QTMAN: variants seen among roughly 807,000 people sequenced by gnomAD.
The protein encoded by QTMAN is tRNA-queuosine alpha-mannosyltransferase.
the QTMAN span, chr2:143,957,375 A>G: frequency 7.2e-7 from 1 of 1,388,792 alleles, no homozygotes; most frequent in East Asian, 2.5e-5. Context: ...CATCTATTTA[A>G]TATAGTGTAA....
the QTMAN span, among the ~76,000 whole-genome samples, chr2:144,013,701 A>T: frequency 6.6e-6 from 1 of 152,176 alleles, no homozygotes; most frequent in Non-Finnish European, 1.5e-5. Context: ...GGAAAATAGA[A>T]ATTAAAATAA....
chr2:144,032,866 G>C, the QTMAN span, among the ~76,000 whole-genome samples: 1 of 152,136 alleles, frequency 6.6e-6, no homozygotes, highest in Non-Finnish European at 1.5e-5. Flanking sequence ...ATGTGGAAAT[G>C]ATCAGGAACT....
At chr2:144,060,405 C>T in the QTMAN span, among the ~76,000 whole-genome samples, 11 of 152,030 alleles carry the variant, frequency 7.2e-5, no homozygotes, top group Non-Finnish European at 1.0e-4. Flanking sequence ...GGATTATAGG[C>T]GCCTGGCACC....
At chr2:144,094,647 C>A in the QTMAN span, among the ~76,000 whole-genome samples, 1 of 152,138 alleles carries the variant, frequency 6.6e-6, no homozygotes, top group African/African-American at 2.4e-5. Flanking sequence ...AGTGAAACCA[C>A]CCCCGTGATT....
chr2:144,275,703 T>C, the QTMAN span, among the ~76,000 whole-genome samples: 1 of 152,190 alleles, frequency 6.6e-6, no homozygotes, highest in Non-Finnish European at 1.5e-5. Flanking sequence ...GGAAGCTTAA[T>C]GCTGAAGGAA....
the QTMAN span, among the ~76,000 whole-genome samples, chr2:144,294,730 T>G: frequency 6.6e-6 from 1 of 152,210 alleles, no homozygotes; most frequent in Non-Finnish European, 1.5e-5. Context: ...ATAAACAAAT[T>G]GGACTTGTTC....
the QTMAN span, among the ~76,000 whole-genome samples, chr2:144,162,426 G>T: frequency 1.3e-5 from 2 of 152,146 alleles, no homozygotes; most frequent in Non-Finnish European, 2.9e-5. Context: ...CAGAATTTAG[G>T]AAGTGACTCT....
the QTMAN span, among the ~76,000 whole-genome samples, chr2:144,135,377 T>C: frequency 6.6e-6 from 1 of 152,092 alleles, no homozygotes; most frequent in African/African-American, 2.4e-5. Flanking sequence ...GCAAGAGAGT[T>C]TGTATAAATG....
chr2:144,300,059 A>G, the QTMAN span, among the ~76,000 whole-genome samples: 1 of 152,242 alleles, frequency 6.6e-6, no homozygotes, highest in African/African-American at 2.4e-5. Flanking sequence ...TGAGGTACCT[A>G]GAGTAGTCTC....
chr2:143,943,403 T>C, the QTMAN span: 3 of 152,224 alleles, frequency 2.0e-5, no homozygotes, highest in African/African-American at 7.2e-5. Flanking sequence ...AGAAAGGCAG[T>C]TGGGTCAATA....
chr2:144,131,518 C>T, the QTMAN span, among the ~76,000 whole-genome samples: 1 of 151,934 alleles, frequency 6.6e-6, no homozygotes, highest in East Asian at 1.9e-4. Context: ...GTTATCCATG[C>T]TGTAGTGTAA....
chr2:144,287,229 G>A, the QTMAN span, among the ~76,000 whole-genome samples: 1 of 152,256 alleles, frequency 6.6e-6, no homozygotes, highest in Non-Finnish European at 1.5e-5. Flanking sequence ...AAGGTCAGGA[G>A]ATCAAGACCA....
chr2:144,057,088 C>T, the QTMAN span, among the ~76,000 whole-genome samples: 1 of 152,200 alleles, frequency 6.6e-6, no homozygotes, highest in African/African-American at 2.4e-5. Context: ...AGTACCCACA[C>T]TGCCTACAAA....
the QTMAN span, among the ~76,000 whole-genome samples, chr2:144,012,369 A>T: frequency 1.3e-5 from 2 of 152,198 alleles, no homozygotes; most frequent in Non-Finnish European, 2.9e-5. Flanking sequence ...ATCAGCCGGG[A>T]AAAGACTAGA....
the QTMAN span, among the ~76,000 whole-genome samples, chr2:144,136,172 A>T: frequency 5.3e-5 from 8 of 151,852 alleles, no homozygotes; most frequent in South Asian, 2.1e-4. Context: ...CAAAAAAATT[A>T]AAAAATTAGC....
chr2:144,281,079 C>T, the QTMAN span, among the ~76,000 whole-genome samples: 2 of 137,474 alleles, frequency 1.5e-5, no homozygotes, highest in African/African-American at 5.4e-5. Context: ...CACAACAGTC[C>T]CCGGTGTGTG....
the QTMAN span, among the ~76,000 whole-genome samples, chr2:144,205,806 G>A: frequency 2.0e-5 from 3 of 152,156 alleles, no homozygotes; most frequent in Admixed American, 2.0e-4. Context: ...ATCCTGGAAC[G>A]AATGATTAAC....
the QTMAN span, among the ~76,000 whole-genome samples, chr2:144,306,888 G>A: frequency 5.9e-5 from 9 of 152,060 alleles, no homozygotes; most frequent in South Asian, 4.1e-4. Flanking sequence ...ATGGCTGGGC[G>A]CGGTGGCTCA....
At chr2:144,247,443 A>G in the QTMAN span, among the ~76,000 whole-genome samples, 1 of 152,252 alleles carries the variant, frequency 6.6e-6, no homozygotes, top group African/African-American at 2.4e-5. Flanking sequence ...ACATAATATA[A>G]TAATGCAACA....
Sources: gnomAD v4.1 joint callset for allele counts (sites outside exome capture counted in the v4.1 genomes callset) on GRCh38, gnomAD v4.1.1 for gene constraint, MANE v1.5 for transcripts, NCBI Gene and HGNC (gene_info 2026-07-23, HGNC 2026-07-21) for gene names.